STK32C: variants seen among roughly 807,000 people sequenced by gnomAD.
STK32C encodes serine/threonine kinase 32C, also known as serine/threonine-protein kinase 32C.
Under a neutral mutation model 56.5 loss-of-function variants are expected in STK32C, and 31 were observed. The observed-to-expected ratio is 0.55, with a 90% CI of 0.41 to 0.74. STK32C has a LOEUF of 0.74. Among genes scored for constraint, STK32C ranks in the 30% least tolerant of loss-of-function variants. STK32C has a pLI of 0.00. For missense variants in STK32C, 544 were observed against 676.9 expected, an observed-to-expected ratio of 0.80 and a Z score of 2.18; for synonymous variants, 309 against 289.4, an observed-to-expected ratio of 1.07 and a Z score of -0.69.
intron 2 of STK32C, among the ~76,000 whole-genome samples, chr10:132,233,041 C>G (rs2063153677): frequency 6.6e-6 from 1 of 152,224 alleles, no homozygotes; most frequent in Non-Finnish European, 1.5e-5. Flanking sequence ...CCTAATCCTT[C>G]CTGGGGGAGC....
chr10:132,314,587 A>T (rs2066280421), intron 1 of STK32C, among the ~76,000 whole-genome samples: 1 of 152,244 alleles, frequency 6.6e-6, no homozygotes, highest in South Asian at 2.1e-4. Context: ...AGACCCTAAT[A>T]TGTATATGCT....
At chr10:132,219,720 G>A (rs2137637820) in intron 10 of STK32C, among the ~76,000 whole-genome samples, 1 of 152,288 alleles carries the variant, frequency 6.6e-6, no homozygotes, top group Non-Finnish European at 1.5e-5. Flanking sequence ...GGAGGGGCGA[G>A]GATGGGAGCC....
intron 10 of STK32C, among the ~76,000 whole-genome samples, chr10:132,215,472 G>A (rs1409473355): frequency 6.8e-6 from 1 of 147,406 alleles, no homozygotes; most frequent in Non-Finnish European, 1.5e-5. Flanking sequence ...TAGTGAATGA[G>A]TCTCATGAGA....
intron 10 of STK32C, among the ~76,000 whole-genome samples, chr10:132,219,651 C>T (rs2062571271): frequency 6.6e-6 from 1 of 152,226 alleles, no homozygotes; most frequent in South Asian, 2.1e-4. Flanking sequence ...TGGCAGACAG[C>T]AGCTCTCCAC....
At chr10:132,330,672 A>AT (rs57850207) in intron 1 of STK32C, among the ~76,000 whole-genome samples, 38,884 of 126,104 alleles carry the variant, frequency 0.31, 6,168 homozygotes, top group East Asian at 0.43. Context: ...CACACCCAGC[A>AT]TTTTTTTTTT....
At chr10:132,247,781 C>T (rs572562159) in intron 1 of STK32C, among the ~76,000 whole-genome samples, 99 of 152,042 alleles carry the variant, frequency 6.5e-4, no homozygotes, top group African/African-American at 1.7e-3. Flanking sequence ...GTGGGGAGAG[C>T]GGTTTGATTT....
chr10:132,246,230 G>C (rs2063685800), intron 1 of STK32C, among the ~76,000 whole-genome samples: 1 of 152,018 alleles, frequency 6.6e-6, no homozygotes, highest in African/African-American at 2.4e-5. Context: ...GATGGGGCAA[G>C]AATGAACCAC....
At chr10:132,290,721 C>T (rs1428752805) in intron 1 of STK32C, among the ~76,000 whole-genome samples, 1 of 152,228 alleles carries the variant, frequency 6.6e-6, no homozygotes, top group Non-Finnish European at 1.5e-5. Context: ...ACATTGCTGC[C>T]CTGAGGGCCC....
chr10:132,291,942 G>C (rs2065578013), intron 1 of STK32C, among the ~76,000 whole-genome samples: 1 of 152,140 alleles, frequency 6.6e-6, no homozygotes, highest in Non-Finnish European at 1.5e-5. Context: ...CACCAGTGGG[G>C]AGCGGGGAAG....
intron 2 of STK32C, among the ~76,000 whole-genome samples, chr10:132,238,417 G>A (rs1051858749): frequency 7.2e-5 from 11 of 152,338 alleles, no homozygotes; most frequent in African/African-American, 1.2e-4. Flanking sequence ...CCAGGGTCTC[G>A]GAGGCAGACG....
intron 10 of STK32C, among the ~76,000 whole-genome samples, chr10:132,221,778 C>T (rs60220960): frequency 0.04 from 5,016 of 126,912 alleles, 205 homozygotes; most frequent in East Asian, 0.12. Flanking sequence ...CACACCTGGG[C>T]GAGTCTGAGG....
intron 1 of STK32C, among the ~76,000 whole-genome samples, chr10:132,284,239 C>G (rs777120167): frequency 8.1e-5 from 12 of 148,360 alleles, no homozygotes; most frequent in African/African-American, 3.0e-4. Context: ...CCGCAGGAAA[C>G]GGGCAGAGTA....
rs144923053 is a variant in STK32C, at chr10:132,283,999, G to A, written c.262+23573C>T. Among the ~76,000 whole-genome samples, 39 of 152,178 alleles carry A rather than the reference G, an allele frequency of 2.6e-4. No homozygotes were observed. In the East Asian group the frequency reaches 6.2e-3, roughly 24 times the overall value. On this transcript the variant is annotated intron_variant, in intron 1 of 11. Coordinates refer to ENST00000298630, the MANE Select transcript of STK32C (RefSeq NM_173575.4). ...ACAGAATCAAAACCTGTCTGGCCACGGAATGTGCCCTTCTCTGTCACAGAC... is the reference window on the plus strand; with the variant it reads ...ACAGAATCAAAACCTGTCTGGCCACAGAATGTGCCCTTCTCTGTCACAGAC...
intron 2 of STK32C, among the ~76,000 whole-genome samples, chr10:132,236,046 G>A (rs913023264): frequency 6.6e-6 from 1 of 152,158 alleles, no homozygotes; most frequent in African/African-American, 2.4e-5. Flanking sequence ...GGCCGGACCC[G>A]GGTGCTTGTG....
chr10:132,244,813 A>C (rs936178171), intron 2 of STK32C, among the ~76,000 whole-genome samples: 2 of 152,176 alleles, frequency 1.3e-5, no homozygotes, highest in Non-Finnish European at 2.9e-5. Context: ...GGAGGACAGG[A>C]GGGTCTGAGT....
rs116829340 is a variant in STK32C, at chr10:132,276,398, G to A, written c.263-30443C>T. Among the ~76,000 whole-genome samples the A allele has an allele frequency of 6.2e-4, 94 of 152,262 alleles. 1 individual carries two copies. The highest frequency in any genetic ancestry group is 2.2e-3 in the African/African-American group (93 of 41,546). On this transcript the variant is annotated intron_variant, in intron 1 of 11. Transcript: ENST00000298630. ...GGGTCAGCACCTGTGCCAGCTACAC[G>A]GTGTCTAAATGTGGTCCTGTGCACC... is the stretch of plus-strand genomic sequence containing the variant.
chr10:132,223,108 G>A (rs1301490067), intron 8 of STK32C, 122 bp from the exon 9 acceptor site: 4 of 1,307,170 alleles, frequency 3.1e-6, no homozygotes, highest in Non-Finnish European at 4.1e-6. Context: ...CAGAATTCAG[G>A]AACCTCAGGG....
At chr10:132,269,104 CGT>C (rs370636909) in intron 1 of STK32C, among the ~76,000 whole-genome samples, 51 of 148,602 alleles carry the variant, frequency 3.4e-4, no homozygotes, top group Admixed American at 9.4e-4. Context: ...TGCGTCACAT[CGT>C]GTGTGTGTGT....
intron 1 of STK32C, among the ~76,000 whole-genome samples, chr10:132,295,266 C>T (rs1399981358): frequency 6.6e-6 from 1 of 152,182 alleles, no homozygotes; most frequent in Non-Finnish European, 1.5e-5. Context: ...CACCATCCTC[C>T]TAACAAAGAA....
Sources: gnomAD v4.1 joint callset for allele counts (sites outside exome capture counted in the v4.1 genomes callset) on GRCh38, gnomAD v4.1.1 for gene constraint, MANE v1.5 for transcripts, NCBI Gene and HGNC (gene_info 2026-07-23, HGNC 2026-07-21) for gene names.